LAMA2: variants seen among roughly 807,000 people sequenced by gnomAD.
LAMA2 encodes laminin subunit alpha 2.
In LAMA2, 269 loss-of-function variants were observed where a neutral mutation model predicts 364.8. That is an observed-to-expected ratio of 0.74 (90% CI 0.67 to 0.82). The LOEUF (loss-of-function observed/expected upper bound fraction) is 0.82. LAMA2 is among the 40% of genes least tolerant of loss of function. The probability of loss-of-function intolerance (pLI) is 0.00; values close to 1 mark genes in which losing one functional copy is unlikely to be tolerated. For synonymous variants in LAMA2, 1,379 were observed against 1,370.6 expected (o/e 1.01, Z -0.14); for missense variants, 3,807 against 3,873.2 (o/e 0.98, Z 0.45).
At chr6:129,159,619 C>T (rs1779338831) in intron 8 of LAMA2, among the ~76,000 whole-genome samples, 1 of 152,232 alleles carries the variant, frequency 6.6e-6, no homozygotes, top group Non-Finnish European at 1.5e-5. Context: ...TTACTTCTTC[C>T]TTTGCAATCT....
At chr6:129,157,144 T>C (rs1779161469) in intron 8 of LAMA2, among the ~76,000 whole-genome samples, 1 of 152,160 alleles carries the variant, frequency 6.6e-6, no homozygotes, top group Non-Finnish European at 1.5e-5. Context: ...TTTCTCCAAC[T>C]CTGCTGCACT....
chr6:129,369,167 A>G (rs1649045792), intron 33 of LAMA2, among the ~76,000 whole-genome samples: 1 of 152,158 alleles, frequency 6.6e-6, no homozygotes, highest in African/African-American at 2.4e-5. Context: ...ATAAGGAGGC[A>G]GTGTTCATTC....
At chr6:129,466,739 T>G (rs1783562400) in intron 51 of LAMA2, among the ~76,000 whole-genome samples, 1 of 151,844 alleles carries the variant, frequency 6.6e-6, no homozygotes, top group Non-Finnish European at 1.5e-5. Flanking sequence ...CTTTAGTAAC[T>G]ACAAGTGAAT....
intron 4 of LAMA2, among the ~76,000 whole-genome samples, chr6:129,121,267 T>C (rs1364130317): frequency 6.6e-6 from 1 of 152,218 alleles, no homozygotes; most frequent in Non-Finnish European, 1.5e-5. Context: ...CTAGACTTTC[T>C]AAATTGGGAG....
intron 45 of LAMA2, among the ~76,000 whole-genome samples, chr6:129,448,575 C>A (rs1373846764): frequency 6.6e-6 from 1 of 152,106 alleles, no homozygotes; most frequent in Non-Finnish European, 1.5e-5. Flanking sequence ...TTTAAAGTAG[C>A]TTTCTCTGGG....
At chr6:129,271,837 A>T (rs947431239) in intron 17 of LAMA2, among the ~76,000 whole-genome samples, 5 of 152,124 alleles carry the variant, frequency 3.3e-5, no homozygotes, top group Admixed American at 3.3e-4. Flanking sequence ...TTTAATGTGT[A>T]GATGTGATCA....
chr6:128,987,852 C>T (rs1783365451), intron 1 of LAMA2, among the ~76,000 whole-genome samples: 1 of 152,052 alleles, frequency 6.6e-6, no homozygotes, highest in South Asian at 2.1e-4. Context: ...AATACCTTGC[C>T]ATAGTGGCTA....
intron 1 of LAMA2, among the ~76,000 whole-genome samples, chr6:128,905,945 C>T (rs1485942751): frequency 1.3e-5 from 2 of 151,838 alleles, no homozygotes; most frequent in African/African-American, 4.8e-5. Context: ...TCATCCATGT[C>T]CCTACAAAGG....
intron 32 of LAMA2, 22 bp from the exon 33 acceptor site, chr6:129,366,197 C>G (rs778973900): frequency 1.2e-6 from 2 of 1,612,764 alleles, no homozygotes; most frequent in Non-Finnish European, 1.7e-6. Context: ...AGTAACTACT[C>G]TTTGTCACTT....
intron 1 of LAMA2, among the ~76,000 whole-genome samples, chr6:128,917,659 C>A (rs972774454): frequency 1.3e-5 from 2 of 148,724 alleles, no homozygotes; most frequent in Non-Finnish European, 3.0e-5. Flanking sequence ...ACAACTTTTT[C>A]TCTTTATTTT....
At chr6:129,040,746 A>G (rs1305215996) in intron 1 of LAMA2, among the ~76,000 whole-genome samples, 1 of 152,246 alleles carries the variant, frequency 6.6e-6, no homozygotes, top group Non-Finnish European at 1.5e-5. Flanking sequence ...CAGTGATTTT[A>G]TGAATCCATT....
chr6:129,283,766 G>A (rs1240627920), intron 18 of LAMA2, among the ~76,000 whole-genome samples: 2 of 151,682 alleles, frequency 1.3e-5, no homozygotes, highest in African/African-American at 2.4e-5. Flanking sequence ...TTCGAATCAA[G>A]TCTAATCACC....
Position 129,040,934 on chromosome 6 carries a change from G to A in LAMA2, c.113-8984G>A, listed in dbSNP as rs369766767. ...CAGAGCTAGATGGCATAAGACTCAG[G>A]GATGATGCAGGAGGTGATAAATATT... On this transcript the variant is annotated intron_variant, in intron 1 of 64. Transcript: ENST00000421865. Among the ~76,000 whole-genome samples, 6 of 152,320 alleles carry A rather than the reference G, an allele frequency of 3.9e-5. No homozygotes were observed. The South Asian group carries it at 1.0e-3, about 26-fold the overall frequency.
In LAMA2 at chr6:129,177,737, T is replaced by C. The variant is rs1245927384; in HGVS notation, c.1338T>C (p.Thr446=). 1 of 1,613,878 alleles carries C rather than the reference T, an allele frequency of 6.2e-7. No individual in the cohort carries two copies. Among genetic ancestry groups the C allele is most frequent in the Non-Finnish European group, 8.5e-7 (1 of 1,179,946 alleles). Residue 446 remains threonine (T), a synonymous_variant, in exon 10 of 65, where the codon ACT becomes ACC. Transcript: ENST00000421865. ...GLAPGSCHCK[T]GFGGVSCDRC... ...CACCTGGATCCTGTCATTGCAAAAC[T>C]GGTTTTGGAGGTGTGAGCTGTGATC... is the stretch of plus-strand genomic sequence containing the variant.
intron 45 of LAMA2, among the ~76,000 whole-genome samples, chr6:129,450,806 T>TA (rs1562575464): frequency 6.6e-6 from 1 of 152,214 alleles, no homozygotes; most frequent in Non-Finnish European, 1.5e-5. Context: ...CGCACTATGC[T>TA]ATTCAGTTCT....
Position 129,425,553 on chromosome 6 carries a change from A to G in LAMA2, c.5866-2199A>G, listed in dbSNP as rs534195010. On this transcript the variant is annotated intron_variant, in intron 40 of 64. Transcript: ENST00000421865. ...GCAGGAACTAAGTCTACTACCCAAT[A>G]GTTATTTTTCTCTGTTTCTCTCCCT... Among the ~76,000 whole-genome samples the G allele has an allele frequency of 1.8e-3, 280 of 152,038 alleles. 1 individual carries two copies. Among genetic ancestry groups the G allele is most frequent in the African/African-American group, 6.5e-3 (270 of 41,450 alleles).
At chr6:128,974,266 G>C (rs9885790) in intron 1 of LAMA2, among the ~76,000 whole-genome samples, 12,536 of 152,188 alleles carry the variant, frequency 0.082, 978 homozygotes, top group African/African-American at 0.2. Flanking sequence ...CGTATGAAAA[G>C]AGTTGCTTGA....
intron 4 of LAMA2, among the ~76,000 whole-genome samples, chr6:129,106,101 G>A (rs1255007326): frequency 6.6e-6 from 1 of 151,520 alleles, no homozygotes. Context: ...TTTGAAACAT[G>A]GCAGGCTTGT....
rs1788500975 is a variant in LAMA2 at position 129,056,508 on chromosome 6, A to C, written c.284-3276A>C. On this transcript the variant is annotated intron_variant, in intron 2 of 64. Transcript: ENST00000421865. ...AGCCAGCTGTTAAGTTGAATTAAAA[A>C]ATTTACCAATAATAATGGAATATTT... Among the ~76,000 whole-genome samples, 3 of 152,184 alleles carry C rather than the reference A, an allele frequency of 2.0e-5. 1 individual carries two copies. In the South Asian group the frequency reaches 6.2e-4, roughly 31 times the overall value.
Sources: gnomAD v4.1 joint callset for allele counts (sites outside exome capture counted in the v4.1 genomes callset) on GRCh38, gnomAD v4.1.1 for gene constraint, MANE v1.5 for transcripts, NCBI Gene and HGNC (gene_info 2026-07-23, HGNC 2026-07-21) for gene names.